The following ECPAS variants were observed in gnomAD, a reference collection of about 807,000 sequenced individuals.
ECPAS encodes proteasome adapter and scaffold protein ECM29.
Under a neutral mutation model 255.1 loss-of-function variants are expected in ECPAS, and 70 were observed. That is an observed-to-expected ratio of 0.27 (90% CI 0.23 to 0.33). ECPAS has a LOEUF of 0.33. ECPAS is among the 10% of genes least tolerant of loss of function. The pLI is 1.00. For synonymous variants in ECPAS, 784 were observed against 775.0 expected (o/e 1.01, Z -0.19); for missense variants, 1,817 against 2,206.4 (o/e 0.82, Z 3.54).
At chr9:111,399,976 AC>A (rs1431972040) in intron 24 of ECPAS, among the ~76,000 whole-genome samples, 1 of 152,208 alleles carries the variant, frequency 6.6e-6, no homozygotes, top group Non-Finnish European at 1.5e-5. Context: ...TTTGGGTGTA[AC>A]CCAGCATGGT....
intron 20 of ECPAS, among the ~76,000 whole-genome samples, chr9:111,413,283 A>C (rs72609708): frequency 0.033 from 4,980 of 152,328 alleles, 170 homozygotes; most frequent in East Asian, 0.13. Flanking sequence ...TCTAGAATAC[A>C]TGATAGTACA....
intron 8 of ECPAS, among the ~76,000 whole-genome samples, chr9:111,430,974 C>T (rs533140468): frequency 2.6e-5 from 4 of 152,290 alleles, no homozygotes; most frequent in African/African-American, 9.6e-5. Flanking sequence ...AGCTTTACTA[C>T]ACTTGTTCAA....
intron 38 of ECPAS, 49 bp from the exon 39 acceptor site, chr9:111,374,087 T>C (rs760638453): frequency 2.1e-5 from 30 of 1,445,462 alleles, no homozygotes; most frequent in Admixed American, 1.0e-4. Flanking sequence ...CACAATGTTC[T>C]ACCTACCAAA....
chr9:111,483,472 C>A, intron 1 of ECPAS: 1 of 975,370 alleles, frequency 1.0e-6, no homozygotes, highest in Non-Finnish European at 1.2e-6. Context: ...CCCGTTCCGG[C>A]TCGCGGCCGC....
chr9:111,454,312 G>A (rs930373848), intron 2 of ECPAS, among the ~76,000 whole-genome samples: 17 of 150,942 alleles, frequency 1.1e-4, no homozygotes, highest in Middle Eastern at 3.4e-3. Flanking sequence ...GGGGGAGATG[G>A]GGGGGTGGGG....
Position 111,384,556 on chromosome 9 carries a change from T to G in ECPAS, c.3647A>C (p.Lys1216Thr). 1 of 1,613,838 alleles carries G rather than the reference T, an allele frequency of 6.2e-7. No individual in the cohort carries two copies. Among genetic ancestry groups the G allele is most frequent in the Non-Finnish European group, 8.5e-7 (1 of 1,179,774 alleles). The change falls in exon 34 of 50, where the codon AAA becomes ACA. Residue 1216 changes from lysine (K) to threonine (T), a missense_variant. Lys to Thr is a moderately conservative substitution (Grantham distance 78, BLOSUM62 -1). Transcript: ENST00000684092. The stretch of plus-strand genomic sequence containing the variant: ...AGTTTTCAGAGCTAGTTCTGCCGCT[T>G]TTCGTACAGATTCCTAAAAATGACA... The part of the protein sequence containing the change: ...VQDDIKESVR[K>T]AAELALKTLS...
chr9:111,390,502 C>T (rs190532482), intron 29 of ECPAS, among the ~76,000 whole-genome samples: 2 of 152,348 alleles, frequency 1.3e-5, no homozygotes, highest in African/African-American at 4.8e-5. Context: ...CTGATTGAGT[C>T]TTGTTAACTT....
At chr9:111,446,621 A>G (rs1203041049) in intron 3 of ECPAS, among the ~76,000 whole-genome samples, 3 of 152,230 alleles carry the variant, frequency 2.0e-5, no homozygotes, top group African/African-American at 7.2e-5. Flanking sequence ...ATATTAAAAT[A>G]GCTAATATTT....
intron 2 of ECPAS, among the ~76,000 whole-genome samples, chr9:111,471,881 T>C (rs572781437): frequency 1.3e-5 from 2 of 152,108 alleles, no homozygotes; most frequent in Admixed American, 6.5e-5. Flanking sequence ...GGTAGGAGTA[T>C]AGCTTGAGCT....
chr9:111,401,119 T>TAAGA (rs892862301), intron 24 of ECPAS, among the ~76,000 whole-genome samples: 13 of 151,970 alleles, frequency 8.6e-5, no homozygotes, highest in African/African-American at 1.9e-4. Flanking sequence ...GTGCTAAAAG[T>TAAGA]AAGAAAGAAA....
intron 2 of ECPAS, among the ~76,000 whole-genome samples, chr9:111,468,521 G>GA (rs1426430169): frequency 2.0e-5 from 3 of 151,998 alleles, no homozygotes; most frequent in Admixed American, 2.0e-4. Flanking sequence ...GAAGAGAACA[G>GA]AAAAAGATGA....
chr9:111,439,864 C>A (rs1247938130), intron 6 of ECPAS, among the ~76,000 whole-genome samples: 1 of 151,688 alleles, frequency 6.6e-6, no homozygotes, highest in Admixed American at 6.6e-5. Flanking sequence ...AGAGGCAAAA[C>A]TAGATGATAG....
In ECPAS at chr9:111,408,564, T is replaced by C. The variant is rs1263569284; in HGVS notation, c.2652+7A>G. 6.8e-7 allele frequency: 1 copy of C among 1,476,512 alleles called. No individual in the cohort carries two copies. The highest frequency in any genetic ancestry group is 1.4e-5 in the South Asian group (1 of 71,948). The allele number at this position is 1,476,512 out of a possible 1,614,324, so 91.5% of individuals were successfully genotyped here. ...AATAACTAACAATCAGGTAGCAATATAAATACCTCCACAGAATCCATCAGA... is the reference window on the plus strand; with the variant it reads ...AATAACTAACAATCAGGTAGCAATACAAATACCTCCACAGAATCCATCAGA... On this transcript the variant is annotated splice_region_variant and intron_variant, in intron 24 of 49. Coordinates refer to ENST00000684092, the MANE Select transcript of ECPAS (RefSeq NM_001364929.1).
intron 33 of ECPAS, among the ~76,000 whole-genome samples, chr9:111,385,127 C>T (rs1019484610): frequency 3.9e-5 from 6 of 152,092 alleles, no homozygotes; most frequent in African/African-American, 1.4e-4. Flanking sequence ...AGGTATACAG[C>T]CACCTTTTTT....
At chr9:111,384,681 T>C (rs2098145312) in intron 33 of ECPAS, 112 bp from the exon 34 acceptor site, 4 of 895,492 alleles carry the variant, frequency 4.5e-6, no homozygotes, top group Non-Finnish European at 7.1e-6. Context: ...TGGAAAATCT[T>C]ACATTTCATA....
intron 19 of ECPAS, 28 bp from the exon 20 acceptor site, chr9:111,414,014 A>G (rs1469195442): frequency 1.4e-5 from 20 of 1,478,222 alleles, no homozygotes; most frequent in Non-Finnish European, 1.7e-5. Flanking sequence ...ATCACCTTAA[A>G]TTTCAAGAAA....
intron 2 of ECPAS, among the ~76,000 whole-genome samples, chr9:111,453,684 T>C (rs940933924): frequency 1.3e-5 from 2 of 152,110 alleles, no homozygotes; most frequent in Non-Finnish European, 2.9e-5. Context: ...GTCCCTGAAA[T>C]GATGTGACAA....
chr9:111,388,292 C>T (rs1038728170), intron 31 of ECPAS, among the ~76,000 whole-genome samples: 2 of 150,138 alleles, frequency 1.3e-5, no homozygotes, highest in African/African-American at 4.9e-5. Context: ...ATAGAGATGA[C>T]ACTCACGTCT....
intron 2 of ECPAS, among the ~76,000 whole-genome samples, chr9:111,452,566 C>T (rs1380911860): frequency 6.6e-6 from 1 of 151,992 alleles, no homozygotes; most frequent in Non-Finnish European, 1.5e-5. Flanking sequence ...ACCAAAATTG[C>T]CACTAATTGA....
Sources: allele counts gnomAD v4.1 joint callset (sites outside exome capture counted in the v4.1 genomes callset), GRCh38; gene constraint gnomAD v4.1.1; transcripts MANE v1.5; gene names NCBI Gene and HGNC (gene_info 2026-07-23, HGNC 2026-07-21).